Variants in RBFOX1 observed in about 807,000 individuals in gnomAD.
The protein encoded by RBFOX1 is RNA binding fox-1 homolog 1, also known as RNA binding protein fox-1 homolog 1.
RBFOX1 carries 8 observed loss-of-function variants against 57.7 expected under a neutral mutation model. That is an observed-to-expected ratio of 0.14 (90% CI 0.08 to 0.25). The LOEUF is 0.25. RBFOX1 is among the 10% of genes least tolerant of loss of function. RBFOX1 has a pLI of 1.00. For missense variants in RBFOX1, 611 were observed against 548.5 expected (o/e 1.11, Z -1.14); for synonymous variants, 326 against 222.4 (o/e 1.47, Z -4.15).
chr16:7,418,979 A>C (rs892428223), intron 4 of RBFOX1, among the ~76,000 whole-genome samples: 1 of 152,116 alleles, frequency 6.6e-6, no homozygotes, highest in Non-Finnish European at 1.5e-5. Flanking sequence ...ATCAGAGCTC[A>C]CTGCACCCTT....
At chr16:7,326,148 G>A (rs2096608685) in intron 4 of RBFOX1, among the ~76,000 whole-genome samples, 1 of 152,178 alleles carries the variant, frequency 6.6e-6, no homozygotes, top group Non-Finnish European at 1.5e-5. Flanking sequence ...TACTTATTGA[G>A]CAACTACTCT....
intron 3 of RBFOX1, among the ~76,000 whole-genome samples, chr16:6,912,658 C>G (rs370553900): frequency 6.6e-6 from 1 of 150,894 alleles, no homozygotes; most frequent in Admixed American, 6.6e-5. Context: ...CTGTGTCATC[C>G]AGGCTGGAGT....
At chr16:7,196,602 T>C (rs1265433971) in intron 4 of RBFOX1, among the ~76,000 whole-genome samples, 1 of 152,172 alleles carries the variant, frequency 6.6e-6, no homozygotes, top group Non-Finnish European at 1.5e-5. Flanking sequence ...TCGCATTTTT[T>C]AGAGGAAACC....
intron 2 of RBFOX1, among the ~76,000 whole-genome samples, chr16:6,491,276 G>A (rs944464278): frequency 6.6e-6 from 1 of 151,862 alleles, no homozygotes; most frequent in Non-Finnish European, 1.5e-5. Flanking sequence ...ATTTAAAATA[G>A]CCATTTTAAT....
At chr16:5,648,046 G>C (rs1236499418) in intron 3 of RBFOX1, among the ~76,000 whole-genome samples, 4 of 152,116 alleles carry the variant, frequency 2.6e-5, no homozygotes, top group African/African-American at 9.7e-5. Context: ...TTTTGGTAGA[G>C]ACAGGGTTTC....
rs181960848 is a variant in RBFOX1 at position 6,707,434 on chromosome 16, A to T, written c.-16+52784A>T. The stretch of plus-strand genomic sequence containing the variant: ...CCTACAATTGTCTTCCTTAAACTAC[A>T]TGTGGGAAAATGCTAGTGAATATTT... On this transcript the variant is annotated intron_variant, in intron 3 of 15. Transcript: ENST00000550418. Among the ~76,000 whole-genome samples, 536 of 148,824 alleles carry T rather than the reference A, an allele frequency of 3.6e-3. 1 individual carries two copies. The highest frequency in any genetic ancestry group is 6.1e-3 in the Non-Finnish European group (414 of 67,480).
chr16:6,888,924 G>C (rs7202487), intron 3 of RBFOX1, among the ~76,000 whole-genome samples: 108,033 of 152,074 alleles, frequency 0.71, 38,623 homozygotes, highest in East Asian at 0.92. Context: ...CTGCCAAGCA[G>C]ATAGAAACCT....
chr16:6,581,682 C>G (rs541365975), intron 2 of RBFOX1, among the ~76,000 whole-genome samples: 1 of 152,182 alleles, frequency 6.6e-6, no homozygotes. Flanking sequence ...AAGGGGGCCT[C>G]CCTCATGGGT....
rs143241397 is a variant in RBFOX1 at position 5,652,211 on chromosome 16, C to T, written c.318+53250C>T. On this transcript the variant is annotated intron_variant, in intron 3 of 19. Transcript: ENST00000641259. Reference sequence around the variant, plus strand: ...TAACATATCCTGAGAGATTACTAGTCTTTAGATACCACTTAGCACTTTATA... The same window carrying T: ...TAACATATCCTGAGAGATTACTAGTTTTTAGATACCACTTAGCACTTTATA... Among the ~76,000 whole-genome samples the T allele has an allele frequency of 2.6e-5, 4 of 152,286 alleles. No individual in the cohort carries two copies. In the South Asian group the frequency reaches 8.3e-4, roughly 32 times the overall value.
chr16:6,926,512 T>C (rs571078088), intron 3 of RBFOX1, among the ~76,000 whole-genome samples: 9 of 152,252 alleles, frequency 5.9e-5, no homozygotes, highest in Admixed American at 4.6e-4. Context: ...AGCGGTGTTA[T>C]AGGCTGCAGG....
At chr16:5,909,496 C>T (rs1384298952) in intron 4 of RBFOX1, among the ~76,000 whole-genome samples, 1 of 152,200 alleles carries the variant, frequency 6.6e-6, no homozygotes, top group Non-Finnish European at 1.5e-5. Flanking sequence ...GTCAGTCAGT[C>T]CTCTTCAGCA....
intron 1 of RBFOX1, among the ~76,000 whole-genome samples, chr16:6,102,895 T>G (rs1447223616): frequency 2.0e-5 from 3 of 151,584 alleles, no homozygotes; most frequent in Non-Finnish European, 4.4e-5. Context: ...TCATTTGGGG[T>G]TTTTTTTAGA....
At chr16:6,452,936 T>TCCTGTTC (rs1446148567) in intron 2 of RBFOX1, among the ~76,000 whole-genome samples, 1 of 152,202 alleles carries the variant, frequency 6.6e-6, no homozygotes, top group African/African-American at 2.4e-5. Flanking sequence ...TTAAATTAGT[T>TCCTGTTC]CCTGTTCTCC....
chr16:5,857,210 A>G (rs961933386), intron 3 of RBFOX1, among the ~76,000 whole-genome samples: 2 of 152,156 alleles, frequency 1.3e-5, no homozygotes, highest in Admixed American at 1.3e-4. Flanking sequence ...GGTTTGCGAA[A>G]TAGTCAGAAC....
chr16:5,770,327 A>G (rs913416084), intron 3 of RBFOX1, among the ~76,000 whole-genome samples: 1 of 152,206 alleles, frequency 6.6e-6, no homozygotes, highest in South Asian at 2.1e-4. Flanking sequence ...TGCTCTTTGT[A>G]TGCATTAATG....
chr16:5,500,862 C>G (rs1259592642), intron 2 of RBFOX1, among the ~76,000 whole-genome samples: 2 of 152,180 alleles, frequency 1.3e-5, no homozygotes, highest in African/African-American at 4.8e-5. Flanking sequence ...ATAGCTTTTT[C>G]TCTAGTCTAC....
chr16:6,032,882 G>GTTTT (rs34481482), intron 1 of RBFOX1, among the ~76,000 whole-genome samples: 2 of 140,032 alleles, frequency 1.4e-5, no homozygotes, highest in Admixed American at 7.1e-5. Flanking sequence ...CCTAGTGTAA[G>GTTTT]TTTTTTTTTT....
At chr16:5,613,535 T>C (rs1423924552) in intron 3 of RBFOX1, among the ~76,000 whole-genome samples, 1 of 152,170 alleles carries the variant, frequency 6.6e-6, no homozygotes, top group Non-Finnish European at 1.5e-5. Context: ...GAGAGAGTCA[T>C]ACTCCAAGTG....
At chr16:6,764,439 T>C (rs2077047460) in intron 3 of RBFOX1, among the ~76,000 whole-genome samples, 1 of 152,200 alleles carries the variant, frequency 6.6e-6, no homozygotes, top group African/African-American at 2.4e-5. Context: ...GCAGGTTAGC[T>C]TGATGAGCAC....
Sources: allele counts gnomAD v4.1 joint callset (sites outside exome capture counted in the v4.1 genomes callset), GRCh38; gene constraint gnomAD v4.1.1; transcripts MANE v1.5; gene names NCBI Gene and HGNC (gene_info 2026-07-23, HGNC 2026-07-21).